PTPRJ: variants seen among roughly 807,000 people sequenced by gnomAD.
PTPRJ encodes the protein protein tyrosine phosphatase receptor type J.
Under a neutral mutation model 141.3 loss-of-function variants are expected in PTPRJ, and 129 were observed. The ratio of observed to expected loss-of-function variants is 0.91; its 90% CI spans 0.79 to 1.06. The LOEUF (loss-of-function observed/expected upper bound fraction) is 1.06, where lower values mean the gene tolerates loss of function less well. Among genes scored for constraint, PTPRJ ranks in the 50% least tolerant of loss-of-function variants. The probability of loss-of-function intolerance (pLI) is 0.00; values close to 1 mark genes in which losing one functional copy is unlikely to be tolerated. For missense variants in PTPRJ, 1,601 were observed against 1,679.7 expected, an observed-to-expected ratio of 0.95 and a Z score of 0.82; for synonymous variants, 610 against 640.5, an observed-to-expected ratio of 0.95 and a Z score of 0.72.
At chr11:48,146,684 T>G (rs1857357722) in intron 14 of PTPRJ, among the ~76,000 whole-genome samples, 192 bp from the exon 15 acceptor site, 1 of 152,162 alleles carries the variant, frequency 6.6e-6, no homozygotes, top group African/African-American at 2.4e-5. Context: ...TCTGCATGCA[T>G]AGACTAGTTT....
At chr11:48,093,001 G>A (rs1855910966) in intron 1 of PTPRJ, among the ~76,000 whole-genome samples, 1 of 152,164 alleles carries the variant, frequency 6.6e-6, no homozygotes, top group Non-Finnish European at 1.5e-5. Flanking sequence ...CATTCACTGA[G>A]ATGACTTTAT....
Position 48,139,484 on chromosome 11 carries a change from A to C in PTPRJ, c.2153-2A>C. ...TCATGCTGTGCTGTACTTGCTTTGC[A>C]GATCCTGCGTCCATGGCCTCCTTCG... On this transcript the variant is annotated splice_acceptor_variant, in intron 10 of 24. Coordinates refer to ENST00000418331, the MANE Select transcript of PTPRJ (RefSeq NM_002843.4). LOFTEE classifies it high-confidence loss of function. 1 of 1,612,820 alleles carries C rather than the reference A, an allele frequency of 6.2e-7. No individual in the cohort carries two copies. The highest frequency in any genetic ancestry group is 1.1e-5 in the South Asian group (1 of 91,066).
chr11:48,138,244 C>T (rs923300268), intron 10 of PTPRJ, among the ~76,000 whole-genome samples: 1 of 152,206 alleles, frequency 6.6e-6, no homozygotes, highest in Non-Finnish European at 1.5e-5. Context: ...AGCTTTGGGT[C>T]ACTTCTGCTC....
intron 22 of PTPRJ, among the ~76,000 whole-genome samples, chr11:48,161,513 CT>C (rs1341541672): frequency 6.6e-6 from 1 of 152,188 alleles, no homozygotes; most frequent in Non-Finnish European, 1.5e-5. Context: ...TCAGTTCCTC[CT>C]CTGGAGATGC....
chr11:48,140,942 C>T (rs35711693), intron 11 of PTPRJ, among the ~76,000 whole-genome samples: 11,249 of 152,186 alleles, frequency 0.074, 441 homozygotes, highest in Middle Eastern at 0.12. Flanking sequence ...GCTTGGCAGC[C>T]GCATGTGGCT....
intron 1 of PTPRJ, among the ~76,000 whole-genome samples, chr11:48,062,050 A>G (rs1438204511): frequency 6.7e-6 from 1 of 150,108 alleles, no homozygotes; most frequent in Non-Finnish European, 1.5e-5. Flanking sequence ...GACTACAGAC[A>G]TACACCACCA....
At chr11:47,995,688 A>G (rs1854316149) in intron 1 of PTPRJ, among the ~76,000 whole-genome samples, 1 of 152,118 alleles carries the variant, frequency 6.6e-6, no homozygotes, top group Non-Finnish European at 1.5e-5. Flanking sequence ...ATTATTTGGG[A>G]TTTCATAGAG....
intron 18 of PTPRJ, among the ~76,000 whole-genome samples, chr11:48,150,825 G>A (rs1043039239): frequency 3.9e-5 from 6 of 152,162 alleles, no homozygotes; most frequent in Non-Finnish European, 5.9e-5. Context: ...GTGCTGCCCT[G>A]TCCAGCATCT....
chr11:48,055,703 A>C (rs924486876), intron 1 of PTPRJ, among the ~76,000 whole-genome samples: 1 of 152,170 alleles, frequency 6.6e-6, no homozygotes, highest in Non-Finnish European at 1.5e-5. Flanking sequence ...CTTCAGGGTC[A>C]GGTGAGGAAG....
At chr11:48,106,763 C>CTTTT (rs35643138) in intron 1 of PTPRJ, among the ~76,000 whole-genome samples, 146 of 86,384 alleles carry the variant, frequency 1.7e-3, no homozygotes, top group African/African-American at 3.3e-3. Flanking sequence ...TTCTTTCTTT[C>CTTTT]TTTTTTTTTT....
intron 1 of PTPRJ, among the ~76,000 whole-genome samples, chr11:48,062,630 A>G (rs1344336893): frequency 1.3e-5 from 2 of 152,248 alleles, no homozygotes; most frequent in Non-Finnish European, 1.5e-5. Context: ...CTCCTTGTCA[A>G]TGTGGAGATA....
intron 1 of PTPRJ, among the ~76,000 whole-genome samples, chr11:48,095,756 T>G (rs553499941): frequency 2.6e-5 from 4 of 152,250 alleles, no homozygotes; most frequent in Admixed American, 6.5e-5. Flanking sequence ...AATTTTTGTA[T>G]TTTTAGTAGA....
At chr11:48,118,878 G>C (rs1856631806) in intron 3 of PTPRJ, among the ~76,000 whole-genome samples, 1 of 151,988 alleles carries the variant, frequency 6.6e-6, no homozygotes, top group Non-Finnish European at 1.5e-5. Context: ...ACATTAGCTG[G>C]GCATGATGGT....
intron 1 of PTPRJ, among the ~76,000 whole-genome samples, chr11:48,072,881 T>C (rs1425088420): frequency 6.6e-6 from 1 of 152,192 alleles, no homozygotes; most frequent in African/African-American, 2.4e-5. Context: ...GTTTCTTGGA[T>C]AGTATTACAT....
chr11:48,011,297 CCTCT>C (rs1466281366), intron 1 of PTPRJ, among the ~76,000 whole-genome samples: 1 of 152,082 alleles, frequency 6.6e-6, no homozygotes. Context: ...GTGCACAAGG[CCTCT>C]TGTGTTGTGC....
chr11:48,119,124 G>A lies in PTPRJ; in HGVS notation c.353-1879G>A, dbSNP rs560123712. Among the ~76,000 whole-genome samples, 21 of 152,090 alleles carry A rather than the reference G, an allele frequency of 1.4e-4. No individual in the cohort carries two copies. In the South Asian group the frequency reaches 1.5e-3, roughly 11 times the overall value. On this transcript the variant is annotated intron_variant, in intron 3 of 24. Coordinates refer to ENST00000418331, the MANE Select transcript of PTPRJ (RefSeq NM_002843.4). Reference sequence around the variant, plus strand: ...CTTGTACAGCATCTGGGACATGGACGGCCTCTCAAAAGGAGTGCTGCTGTT... The same window carrying A: ...CTTGTACAGCATCTGGGACATGGACAGCCTCTCAAAAGGAGTGCTGCTGTT...
At chr11:48,081,149 C>T (rs1011649075) in intron 1 of PTPRJ, among the ~76,000 whole-genome samples, 4 of 152,218 alleles carry the variant, frequency 2.6e-5, no homozygotes, top group African/African-American at 7.2e-5. Flanking sequence ...CTTGCAGCAA[C>T]CCTGGCACAG....
intron 1 of PTPRJ, among the ~76,000 whole-genome samples, chr11:48,092,785 C>CT (rs1390872610): frequency 1.3e-5 from 2 of 152,092 alleles, no homozygotes; most frequent in Admixed American, 1.3e-4. Context: ...CAGTGTTTGT[C>CT]TTTATGTGTT....
chr11:48,010,693 G>A (rs922743041), intron 1 of PTPRJ, among the ~76,000 whole-genome samples: 5 of 150,090 alleles, frequency 3.3e-5, no homozygotes, highest in African/African-American at 1.2e-4. Context: ...ATGCCACCAC[G>A]CCCAGGTAAT....
Sources: gnomAD v4.1 joint callset for allele counts (sites outside exome capture counted in the v4.1 genomes callset) on GRCh38, gnomAD v4.1.1 for gene constraint, MANE v1.5 for transcripts, NCBI Gene and HGNC (gene_info 2026-07-23, HGNC 2026-07-21) for gene names.